The following FIS1 variants were observed in gnomAD, a reference collection of about 807,000 sequenced individuals.
FIS1 encodes the protein mitochondrial fission 1 protein.
Under a neutral mutation model 21.6 loss-of-function variants are expected in FIS1, and 16 were observed. The observed-to-expected ratio is 0.74, with a 90% CI of 0.50 to 1.12. The LOEUF (loss-of-function observed/expected upper bound fraction) is 1.12. Among genes scored for constraint, FIS1 ranks in the 50% most tolerant of loss-of-function variants. FIS1 has a pLI of 0.00. For synonymous variants in FIS1, 92 were observed against 82.2 expected (o/e 1.12, Z -0.65); for missense variants, 198 against 190.9 (o/e 1.04, Z -0.22).
At chr7:101,240,349 A>G in intron 3 of FIS1, 102 bp from the exon 4 acceptor site, 1 of 1,187,376 alleles carries the variant, frequency 8.4e-7, no homozygotes, top group Non-Finnish European at 1.2e-6. Flanking sequence ...CCCACGCTGG[A>G]CGGCAGCGTC....
intron 2 of FIS1, among the ~76,000 whole-genome samples, chr7:101,242,612 C>G (rs1388742726): frequency 6.6e-6 from 1 of 151,466 alleles, no homozygotes; most frequent in African/African-American, 2.4e-5. Context: ...CCTCAGCCTA[C>G]TGCGTAGCTG....
Position 101,240,911 on chromosome 7 carries a change from G to T in FIS1, c.179-5C>A. On this transcript the variant is annotated splice_polypyrimidine_tract_variant and splice_region_variant and intron_variant, in intron 2 of 4. Coordinates refer to ENST00000223136, the MANE Select transcript of FIS1 (RefSeq NM_016068.3). The stretch of plus-strand genomic sequence containing the variant: ...TGCTCCCTTTGGGCAGCAGCTCTGG[G>T]GAGGGGCAGAGAAGAGGGTGAGAAA... The T allele has an allele frequency of 6.2e-7, 1 of 1,614,076 alleles. No homozygotes were observed.
At chr7:101,243,226 G>A (rs1165609630) in intron 2 of FIS1, among the ~76,000 whole-genome samples, 1 of 152,118 alleles carries the variant, frequency 6.6e-6, no homozygotes, top group Non-Finnish European at 1.5e-5. Context: ...AAGTATTGTG[G>A]CCTCTGACAA....
rs763598205 is a variant in FIS1, at chr7:101,240,255, C to T, written c.256-8G>A. On this transcript the variant is annotated splice_region_variant and splice_polypyrimidine_tract_variant and intron_variant, in intron 3 of 4. Transcript: ENST00000223136. The stretch of plus-strand genomic sequence containing the variant: ...TAAGGCCTTCTCGTATTCCTGCGCT[C>T]GGGGAAACGCGCACGCGTCATACAC... 7.4e-6 allele frequency: 12 copies of T among 1,613,656 alleles called. No individual in the cohort carries two copies. Among genetic ancestry groups the T allele is most frequent in the South Asian group, 4.4e-5 (4 of 91,076 alleles).
chr7:101,244,959 C>T lies in FIS1; in HGVS notation c.45+1G>A, dbSNP rs1374743413. The T allele has an allele frequency of 1.2e-6, 2 of 1,613,980 alleles. No homozygotes were observed. The highest frequency in any genetic ancestry group is 8.5e-7 in the Non-Finnish European group (1 of 1,179,978). On this transcript the variant is annotated splice_donor_variant, in intron 1 of 4. Coordinates refer to ENST00000223136, the MANE Select transcript of FIS1 (RefSeq NM_016068.3). LOFTEE classifies it high-confidence loss of function. ...TTCCCTCTGTCCGGGCCAGGCCTCA[C>T]CAGCAGGTCCTCCACAGACACCAGC...
At chr7:101,240,555 C>T (rs1298517398) in intron 3 of FIS1, among the ~76,000 whole-genome samples, 1 of 152,234 alleles carries the variant, frequency 6.6e-6, no homozygotes, top group East Asian at 1.9e-4. Flanking sequence ...CCCACTCCCT[C>T]CCTCCAGCCC....
rs2116847087 is a variant in FIS1 at position 101,240,265 on chromosome 7, C to T, written c.256-18G>A. On this transcript the variant is annotated intron_variant, in intron 3 of 4. Transcript: ENST00000223136. ...TCGTATTCCTGCGCTCGGGGAAACGCGCACGCGTCATACACACCGCAGTGT... is the reference window on the plus strand; with the variant it reads ...TCGTATTCCTGCGCTCGGGGAAACGTGCACGCGTCATACACACCGCAGTGT... 1 of 1,611,778 alleles carries T rather than the reference C, an allele frequency of 6.2e-7. No homozygotes were observed. The highest frequency in any genetic ancestry group is 8.5e-7 in the Non-Finnish European group (1 of 1,177,826).
Position 101,243,998 on chromosome 7 carries a change from G to A in FIS1, c.178+9C>T. ...ATGGCAGCGGGAAAGGGAGAGTACAGCGCCTCACCCTCGAGCAGCACGATG... is the reference window on the plus strand; with the variant it reads ...ATGGCAGCGGGAAAGGGAGAGTACAACGCCTCACCCTCGAGCAGCACGATG... On this transcript the variant is annotated intron_variant, in intron 2 of 4. Transcript: ENST00000223136. 6.2e-7 allele frequency: 1 copy of A among 1,611,546 alleles called. No homozygotes were observed. Among genetic ancestry groups the A allele is most frequent in the Non-Finnish European group, 8.5e-7 (1 of 1,179,052 alleles).
chr7:101,240,388 TC>T, intron 3 of FIS1, 141 bp from the exon 4 acceptor site: 1 of 775,914 alleles, frequency 1.3e-6, no homozygotes, highest in Non-Finnish European at 2.1e-6. Flanking sequence ...AACCTCAAAC[TC>T]CCAGGCTCAA....
In FIS1 at chr7:101,244,042, T is replaced by C. The variant is rs201428136; in HGVS notation, c.143A>G (p.Asn48Ser). 81 of 1,613,968 alleles carry C rather than the reference T, an allele frequency of 5.0e-5. No individual in the cohort carries two copies. The highest frequency in any genetic ancestry group is 2.4e-4 in the South Asian group (22 of 91,062). ...YAWCLVRSKY[N>S]DDIRKGIVLL... is the part of the protein sequence containing the mutation. ...CACGATGCCTTTACGGATGTCATCA[T>C]TGTACTTGCTCCGCACCAGGCACCA... Residue 48 changes from asparagine to serine, a missense_variant, in exon 2 of 5, where the codon AAT (asparagine) becomes AGT (serine). Physicochemically the swap from Asn to Ser is conservative, Grantham distance 46. Transcript: ENST00000223136.
Position 101,239,758 on chromosome 7 carries a change from G to T in FIS1, c.*48C>A. The T allele has an allele frequency of 7.1e-7, 1 of 1,417,234 alleles. No individual in the cohort carries two copies. Among genetic ancestry groups the T allele is most frequent in the Middle Eastern group, 1.8e-4 (1 of 5,672 alleles). 87.8% of individuals were successfully genotyped at this position (1,417,234 alleles called of 1,614,324 possible). A position where few individuals can be genotyped will look rare whatever the true frequency, so the allele number is the denominator to read the frequency against. ...GGGAGAACAGGGAAAGGACAGCGAGGATGGACAGGCCCTCCTGGAGCGTTC... is the reference window on the plus strand; with the variant it reads ...GGGAGAACAGGGAAAGGACAGCGAGTATGGACAGGCCCTCCTGGAGCGTTC... On this transcript the variant is annotated 3_prime_UTR_variant, in exon 5 of 5. Transcript: ENST00000223136.
chr7:101,244,139 T>G lies in FIS1; in HGVS notation c.46A>C (p.Lys16Gln). The G allele has an allele frequency of 6.2e-7, 1 of 1,613,066 alleles. No homozygotes were observed. Among genetic ancestry groups the G allele is most frequent in the Non-Finnish European group, 8.5e-7 (1 of 1,179,368 alleles). ...NELVSVEDLL[K>Q]FEKKFQSEKA... ...TCAGACTGAAATTTCTTTTCAAACT[T>G]CTGCCACAGGGGAGGAAAGGAATCA... The change falls in exon 2 of 5, where the codon AAG becomes CAG. Residue 16 changes from lysine to glutamine, a missense_variant and splice_region_variant. Coordinates refer to ENST00000223136, the MANE Select transcript of FIS1 (RefSeq NM_016068.3).
intron 1 of FIS1, 160 bp downstream of exon 1, chr7:101,244,800 G>A (rs1798794159): frequency 1.8e-5 from 14 of 793,626 alleles, no homozygotes; most frequent in African/African-American, 5.1e-5. Flanking sequence ...GGCATAGCAG[G>A]CCCTCCGGGC....
chr7:101,240,415 C>A (rs994582037), intron 3 of FIS1, among the ~76,000 whole-genome samples, 168 bp from the exon 4 acceptor site: 7 of 152,220 alleles, frequency 4.6e-5, no homozygotes, highest in African/African-American at 1.7e-4. Flanking sequence ...CCTCCCGCCT[C>A]AGCCTCCTGA....
At position 101,244,956 on chromosome 7, in the gene FIS1, TCACCAGCAGGTCCTCCACAGA is replaced by T; in HGVS notation, c.28_45+3del. The T allele has an allele frequency of 1.2e-6, 2 of 1,614,040 alleles. No homozygotes were observed. Among genetic ancestry groups the T allele is most frequent in the South Asian group, 2.2e-5 (2 of 91,076 alleles). On this transcript the variant is annotated splice_donor_variant and splice_donor_region_variant and coding_sequence_variant and intron_variant, in exon 1 of 5. Transcript: ENST00000223136. LOFTEE classifies it high-confidence loss of function. Reference sequence around the variant, plus strand: ...CCTTTCCCTCTGTCCGGGCCAGGCCTCACCAGCAGGTCCTCCACAGACACCAGCTCGTTCAGCACGGCCTCC... The same window carrying T: ...CCTTTCCCTCTGTCCGGGCCAGGCCTCACCAGCTCGTTCAGCACGGCCTCC...
chr7:101,240,943 T>G, intron 2 of FIS1, 37 bp from the exon 3 acceptor site: 1 of 1,597,576 alleles, frequency 6.3e-7, no homozygotes, highest in Non-Finnish European at 8.6e-7. Context: ...GAAATGCTTC[T>G]TTCCTAATAC....
rs757432356 is a variant in FIS1, at chr7:101,240,836, C to T, written c.249G>A (p.Arg83=). The T allele has an allele frequency of 1.2e-6, 2 of 1,613,848 alleles. No individual in the cohort carries two copies. The highest frequency in any genetic ancestry group is 1.7e-6 in the Non-Finnish European group (2 of 1,180,024). The change falls in exon 3 of 5, where the codon CGG becomes CGA. Residue 83 remains arginine, a synonymous_variant. Transcript: ENST00000223136. The part of the protein sequence containing the change: ...YVFYLAVGNY[R]LKEYEKALKY... ...AACGGGGTCCCCACCTCACCTTGAG[C>T]CGGTAGTTCCCCACGGCCAGGTAGA...
At position 101,245,007 on chromosome 7, in the gene FIS1, C is replaced by G. The variant is rs761810980; in HGVS notation, c.-3G>C. 2 of 1,613,794 alleles carry G rather than the reference C, an allele frequency of 1.2e-6. No individual in the cohort carries two copies. Among genetic ancestry groups the G allele is most frequent in the Non-Finnish European group, 8.5e-7 (1 of 1,179,914 alleles). ...AGCTCGTTCAGCACGGCCTCCATGGCCACTGCCCCCGCGAGCCTCACACTA... is the reference window on the plus strand; with the variant it reads ...AGCTCGTTCAGCACGGCCTCCATGGGCACTGCCCCCGCGAGCCTCACACTA... On this transcript the variant is annotated 5_prime_UTR_variant, in exon 1 of 5. Coordinates refer to ENST00000223136, the MANE Select transcript of FIS1 (RefSeq NM_016068.3).
Position 101,243,933 on chromosome 7 carries a change from G to A in FIS1, c.178+74C>T. 2.0e-6 allele frequency: 3 copies of A among 1,529,484 alleles called. No homozygotes were observed. In the South Asian group the frequency reaches 3.7e-5, roughly 19 times the overall value. 94.7% of individuals were successfully genotyped at this position (1,529,484 alleles called of 1,614,324 possible). ...GTAAATCTACCGGAGACAACTCAGA[G>A]GTGCCTGGACTACGGGGCCCACATC... On this transcript the variant is annotated intron_variant, in intron 2 of 4. Transcript: ENST00000223136.
Sources: allele counts gnomAD v4.1 joint callset (sites outside exome capture counted in the v4.1 genomes callset), GRCh38; gene constraint gnomAD v4.1.1; transcripts MANE v1.5; gene names NCBI Gene and HGNC (gene_info 2026-07-23, HGNC 2026-07-21).